Variants in RIT2 observed in about 807,000 individuals in gnomAD.
RIT2 encodes the protein Ras like without CAAX 2.
In RIT2, 24 loss-of-function variants were observed where a neutral mutation model predicts 23.7. The observed-to-expected ratio is 1.01, with a 90% CI of 0.73 to 1.43. RIT2 has a LOEUF of 1.43. Among genes scored for constraint, RIT2 ranks in the 40% most tolerant of loss-of-function variants. RIT2 has a pLI of 0.00. For synonymous variants in RIT2, 107 were observed against 91.1 expected, an observed-to-expected ratio of 1.17 and a Z score of -0.99; for missense variants, 236 against 266.9, an observed-to-expected ratio of 0.88 and a Z score of 0.81.
At chr18:42,837,685 A>C (rs1906655398) in intron 4 of RIT2, among the ~76,000 whole-genome samples, 5 of 152,140 alleles carry the variant, frequency 3.3e-5, no homozygotes. Flanking sequence ...ATGAGCAAAG[A>C]AAGTATTCGG....
chr18:42,992,735 C>T (rs1910883528), intron 2 of RIT2, among the ~76,000 whole-genome samples: 1 of 152,106 alleles, frequency 6.6e-6, no homozygotes, highest in African/African-American at 2.4e-5. Flanking sequence ...GGTTAATGCT[C>T]CTTTTTCTTT....
In RIT2 at chr18:42,998,290, CCT is replaced by C. The variant is rs1200286714; in HGVS notation, c.161-24145_161-24144del. 3.3e-5 allele frequency among the ~76,000 whole-genome samples: 5 copies of C among 152,172 alleles called. No homozygotes were observed. The East Asian group carries it at 9.7e-4, about 30-fold the overall frequency. ...CATCTGTCTCAAAATAATTCATATG[CCT>C]CTTTTTCACAACTACAAATCAGTTT... On this transcript the variant is annotated intron_variant, in intron 2 of 4. Transcript: ENST00000326695.
intron 4 of RIT2, among the ~76,000 whole-genome samples, chr18:42,831,312 A>G (rs1331924634): frequency 6.6e-6 from 1 of 152,254 alleles, no homozygotes; most frequent in Non-Finnish European, 1.5e-5. Context: ...TATCTAGACA[A>G]GCAAATGCTT....
At chr18:42,751,981 C>T (rs1209113283) in intron 4 of RIT2, among the ~76,000 whole-genome samples, 4 of 151,828 alleles carry the variant, frequency 2.6e-5, no homozygotes, top group Non-Finnish European at 4.4e-5. Context: ...CGAATATTGA[C>T]AAACCATACA....
At chr18:42,967,775 G>T (rs1037634685) in intron 3 of RIT2, among the ~76,000 whole-genome samples, 2 of 150,114 alleles carry the variant, frequency 1.3e-5, no homozygotes, top group Non-Finnish European at 2.9e-5. Flanking sequence ...TAGTTTAATG[G>T]TGTTATTTAT....
chr18:42,824,639 A>G (rs1353784128), intron 4 of RIT2, among the ~76,000 whole-genome samples: 1 of 152,062 alleles, frequency 6.6e-6, no homozygotes, highest in African/African-American at 2.4e-5. Context: ...CTGAAGATAT[A>G]TTAATCTAAA....
At chr18:42,963,373 G>A (rs978338814) in intron 3 of RIT2, among the ~76,000 whole-genome samples, 9 of 152,116 alleles carry the variant, frequency 5.9e-5, no homozygotes, top group African/African-American at 2.2e-4. Flanking sequence ...CATCATATCT[G>A]GAAATCCATG....
At chr18:42,932,328 TG>T (rs1568033421) in intron 3 of RIT2, among the ~76,000 whole-genome samples, 1 of 152,100 alleles carries the variant, frequency 6.6e-6, no homozygotes, top group African/African-American at 2.4e-5. Flanking sequence ...AATCCATCAA[TG>T]GGGGGAAATC....
intron 2 of RIT2, among the ~76,000 whole-genome samples, chr18:42,984,487 T>A (rs2144218380): frequency 6.6e-6 from 1 of 152,194 alleles, no homozygotes; most frequent in African/African-American, 2.4e-5. Flanking sequence ...ACTATCAATA[T>A]CAATATCCTG....
chr18:42,754,517 C>T (rs1327047681), intron 4 of RIT2, among the ~76,000 whole-genome samples: 4 of 152,098 alleles, frequency 2.6e-5, no homozygotes, highest in Admixed American at 1.3e-4. Flanking sequence ...TCTTCTCTCT[C>T]ACTTCTTCCA....
intron 2 of RIT2, among the ~76,000 whole-genome samples, chr18:43,015,090 A>G (rs1280529038): frequency 6.6e-6 from 1 of 151,768 alleles, no homozygotes; most frequent in African/African-American, 2.4e-5. Context: ...TTGTGGGTAG[A>G]TAGTATGAGA....
intron 1 of RIT2, among the ~76,000 whole-genome samples, chr18:43,038,970 G>T (rs1912058895): frequency 6.6e-6 from 1 of 151,712 alleles, no homozygotes; most frequent in Admixed American, 6.6e-5. Context: ...GTCATATATT[G>T]TTTCTCTTTG....
In RIT2 at chr18:42,776,345, C is replaced by T. The variant is rs181160606; in HGVS notation, c.427-32625G>A. Reference sequence around the variant, plus strand: ...TTAAACCTGTAGTTAGCTCTTGATACAGAAAGTACAAGATAAACCCAGTCA... The same window carrying T: ...TTAAACCTGTAGTTAGCTCTTGATATAGAAAGTACAAGATAAACCCAGTCA... On this transcript the variant is annotated intron_variant, in intron 4 of 4. Coordinates refer to ENST00000326695, the MANE Select transcript of RIT2 (RefSeq NM_002930.4). Among the ~76,000 whole-genome samples, 505 of 152,206 alleles carry T rather than the reference C, an allele frequency of 3.3e-3. 3 individuals are homozygous for T. The highest frequency in any genetic ancestry group is 5.5e-3 in the Non-Finnish European group (376 of 67,982).
chr18:43,082,467 GT>G (rs954230530), intron 1 of RIT2, among the ~76,000 whole-genome samples: 4 of 152,076 alleles, frequency 2.6e-5, no homozygotes, highest in African/African-American at 9.7e-5. Context: ...GAACATCGAT[GT>G]GAAATGCTCA....
At chr18:42,980,568 T>C (rs1343749241) in intron 2 of RIT2, among the ~76,000 whole-genome samples, 1 of 152,154 alleles carries the variant, frequency 6.6e-6, no homozygotes, top group Non-Finnish European at 1.5e-5. Context: ...CTGGAAAGTC[T>C]GCCCAAAGTG....
rs542642373 is a variant in RIT2 at position 42,916,816 on chromosome 18, A to G, written c.426+6756T>C. On this transcript the variant is annotated intron_variant, in intron 4 of 4. Transcript: ENST00000326695. ...TCCTATTTTACAGACGTAGACACTG[A>G]GACAGAGTCTGAAGCGCAAGATGTT... Among the ~76,000 whole-genome samples the G allele has an allele frequency of 3.3e-5, 5 of 152,248 alleles. No homozygotes were observed. In the South Asian group the frequency reaches 1.0e-3, roughly 32 times the overall value.
At chr18:42,914,649 G>T (rs1461752982) in intron 4 of RIT2, among the ~76,000 whole-genome samples, 6 of 151,950 alleles carry the variant, frequency 3.9e-5, no homozygotes, top group Admixed American at 6.6e-5. Context: ...GATAGGAAGG[G>T]GATGAGAAGG....
intron 3 of RIT2, among the ~76,000 whole-genome samples, chr18:42,966,771 A>T (rs1054626516): frequency 6.6e-6 from 1 of 152,118 alleles, no homozygotes; most frequent in African/African-American, 2.4e-5. Flanking sequence ...GGGCATTATA[A>T]ATCTGTGTAT....
At chr18:42,801,163 A>G (rs192444519) in intron 4 of RIT2, among the ~76,000 whole-genome samples, 6 of 152,322 alleles carry the variant, frequency 3.9e-5, no homozygotes, top group Admixed American at 1.3e-4. Context: ...AAAAAAAAGA[A>G]ACAGTTGTTA....
Sources: gnomAD v4.1 joint callset for allele counts (sites outside exome capture counted in the v4.1 genomes callset) on GRCh38, gnomAD v4.1.1 for gene constraint, MANE v1.5 for transcripts, NCBI Gene and HGNC (gene_info 2026-07-23, HGNC 2026-07-21) for gene names.